The following HIRA variants were observed in gnomAD, a reference collection of about 807,000 sequenced individuals.
HIRA encodes histone cell cycle regulator.
In HIRA, 13 loss-of-function variants were observed where a neutral mutation model predicts 126.6. That is an observed-to-expected ratio of 0.10 (90% CI 0.07 to 0.16). The LOEUF (loss-of-function observed/expected upper bound fraction) is 0.16, where lower values mean the gene tolerates loss of function less well. Among genes scored for constraint, HIRA ranks in the 10% least tolerant of loss-of-function variants. The pLI is 1.00. For missense variants in HIRA, 834 were observed against 1,314.4 expected (o/e 0.63, Z 5.65); for synonymous variants, 511 against 520.0 (o/e 0.98, Z 0.24).
At chr22:19,379,433 T>C (rs1454588421) in intron 13 of HIRA, among the ~76,000 whole-genome samples, 1 of 150,820 alleles carries the variant, frequency 6.6e-6, no homozygotes, top group Non-Finnish European at 1.5e-5. Context: ...GAGACCAGCC[T>C]GGCCAACATG....
chr22:19,352,403 T>G (rs910747989), intron 23 of HIRA, among the ~76,000 whole-genome samples: 9 of 152,080 alleles, frequency 5.9e-5, no homozygotes, highest in African/African-American at 2.2e-4. Context: ...CTGGGAAGGC[T>G]GAGTATTCAG....
intron 18 of HIRA, 47 bp downstream of exon 18, chr22:19,359,289 T>C: frequency 6.7e-7 from 1 of 1,489,090 alleles, no homozygotes; most frequent in Non-Finnish European, 8.9e-7. Flanking sequence ...AATGATGGCA[T>C]GTGTGCCTGT....
intron 23 of HIRA, among the ~76,000 whole-genome samples, chr22:19,352,295 T>A (rs1407092550): frequency 6.6e-6 from 1 of 151,504 alleles, no homozygotes; most frequent in Non-Finnish European, 1.5e-5. Flanking sequence ...TCAGAGCAAG[T>A]CCCAGTCAAC....
Position 19,354,003 on chromosome 22 carries a change from T to C in HIRA, c.2677A>G (p.Thr893Ala), listed in dbSNP as rs2088785469. ...GGCATTCAGGTCACGTACTTGGAGG[T>C]GCGGCCCTGGATTATGGCTAACGGT... ...SGPLAIIQGR[T>A]SNSGRQAARL... is the part of the protein sequence containing the mutation. The change falls in exon 22 of 25, where the codon ACC becomes GCC. Residue 893 changes from threonine (T) to alanine (A), a missense_variant. Coordinates refer to ENST00000263208, the MANE Select transcript of HIRA (RefSeq NM_003325.4). 6.2e-7 allele frequency: 1 copy of C among 1,612,928 alleles called. No homozygotes were observed. The highest frequency in any genetic ancestry group is 8.5e-7 in the Non-Finnish European group (1 of 1,179,668).
rs2088761572 is a variant in HIRA at position 19,351,842 on chromosome 22, G to C, written c.2849-396C>G. 6.6e-6 allele frequency among the ~76,000 whole-genome samples: 1 copy of C among 152,110 alleles called. No individual in the cohort carries two copies. Among genetic ancestry groups the C allele is most frequent in the Non-Finnish European group, 1.5e-5 (1 of 68,024 alleles). ...GTGTTGAGGGGAGGTCAGGAGGGTG[G>C]GACGGCCAGCCCGCAGGAGGTAAGA... On this transcript the variant is annotated intron_variant, in intron 23 of 24. Coordinates refer to ENST00000263208, the MANE Select transcript of HIRA (RefSeq NM_003325.4). This position sits in a 1 kb window ranked among gnomAD's most constrained non-coding sequence, Gnocchi z 4.8.
Position 19,365,604 on chromosome 22 carries a change from C to A in HIRA, c.1776-3673G>T, listed in dbSNP as rs2088905186. Among the ~76,000 whole-genome samples the A allele has an allele frequency of 2.0e-5, 3 of 152,182 alleles. 1 individual carries two copies. The highest frequency in any genetic ancestry group is 2.0e-4 in the Admixed American group (3 of 15,268). On this transcript the variant is annotated intron_variant, in intron 15 of 24. Transcript: ENST00000263208. ...ACCTACTGCTTGGAAAAAAAGATTC[C>A]TTTCAAAAGATTGCTGCTGACTGGC... is the stretch of plus-strand genomic sequence containing the variant.
At chr22:19,361,497 TCA>T (rs2088863599) in intron 16 of HIRA, among the ~76,000 whole-genome samples, 156 bp from the exon 17 acceptor site, 1 of 152,176 alleles carries the variant, frequency 6.6e-6, no homozygotes, top group Admixed American at 6.5e-5. Context: ...GATCCTAACC[TCA>T]TGGACAAGCC....
intron 1 of HIRA, among the ~76,000 whole-genome samples, chr22:19,417,348 G>C (rs1298639954): frequency 1.3e-5 from 2 of 152,246 alleles, no homozygotes; most frequent in East Asian, 3.9e-4. Context: ...TAACGGCTGG[G>C]TGCGGTGGCT....
At chr22:19,429,130 TA>T (rs1359331533) in intron 1 of HIRA, among the ~76,000 whole-genome samples, 6 of 134,722 alleles carry the variant, frequency 4.5e-5, no homozygotes, top group East Asian at 2.3e-4. Context: ...AGAGTTGCCA[TA>T]TCTTTTTTTT....
chr22:19,386,657 A>G (rs375675464), intron 11 of HIRA, among the ~76,000 whole-genome samples: 75 of 152,326 alleles, frequency 4.9e-4, no homozygotes, highest in African/African-American at 1.6e-3. Context: ...GTGTTTGGCC[A>G]GGGTTTCCCT....
chr22:19,402,530 T>C (rs1193194040), intron 5 of HIRA, among the ~76,000 whole-genome samples: 1 of 152,242 alleles, frequency 6.6e-6, no homozygotes, highest in East Asian at 1.9e-4. Context: ...GAGGCCAATA[T>C]AAAGACTCAT....
chr22:19,332,080 T>C (rs2146499828), intron 24 of HIRA, among the ~76,000 whole-genome samples: 1 of 152,328 alleles, frequency 6.6e-6, no homozygotes, highest in East Asian at 1.9e-4. Context: ...CTTAGTTGCC[T>C]AAACATCCTC....
At chr22:19,371,419 T>G (rs1226298208) in intron 15 of HIRA, among the ~76,000 whole-genome samples, 5 of 152,236 alleles carry the variant, frequency 3.3e-5, no homozygotes, top group Non-Finnish European at 5.9e-5. Context: ...GTATTTTTTT[T>G]GGTTCATTTC....
In HIRA at chr22:19,356,951, T is replaced by C. The variant is rs2088818093; in HGVS notation, c.2335A>G (p.Thr779Ala). 3 of 1,613,882 alleles carry C rather than the reference T, an allele frequency of 1.9e-6. No homozygotes were observed. Among genetic ancestry groups the C allele is most frequent in the Non-Finnish European group, 2.5e-6 (3 of 1,179,988 alleles). ...SPILLPSPISTLHCTGSYVMA... is the reference protein window; with the variant it reads ...SPILLPSPISALHCTGSYVMA... Reference sequence around the variant, plus strand: ...ACGTAGGAGCCTGTGCAATGCAAAGTAGAGATCGGGGATGGCAGGAGGATG... The same window carrying C: ...ACGTAGGAGCCTGTGCAATGCAAAGCAGAGATCGGGGATGGCAGGAGGATG... Residue 779 changes from threonine (T) to alanine (A), a missense_variant, in exon 19 of 25, where the codon ACT (threonine) becomes GCT (alanine). Transcript: ENST00000263208.
intron 23 of HIRA, 26 bp downstream of exon 23, chr22:19,353,330 C>G: frequency 1.2e-6 from 2 of 1,612,010 alleles, no homozygotes; most frequent in Non-Finnish European, 1.7e-6. Flanking sequence ...AAGGAGAAGG[C>G]TGCTCAGGGC....
At chr22:19,347,917 T>G (rs2146181890) in intron 24 of HIRA, among the ~76,000 whole-genome samples, 1 of 152,272 alleles carries the variant, frequency 6.6e-6, no homozygotes. Flanking sequence ...CCAGCCCGGG[T>G]GACAGAGCGA....
At chr22:19,407,541 CTTCT>C (rs748133541) in intron 3 of HIRA, among the ~76,000 whole-genome samples, 7 of 152,110 alleles carry the variant, frequency 4.6e-5, no homozygotes, top group African/African-American at 7.2e-5. Flanking sequence ...CAATAGAAGG[CTTCT>C]TTCTAAGAAA....
intron 15 of HIRA, among the ~76,000 whole-genome samples, chr22:19,368,978 C>T (rs1387467171): frequency 2.6e-5 from 4 of 152,198 alleles, no homozygotes; most frequent in African/African-American, 9.7e-5. Context: ...ACTGCACCTC[C>T]CCAGCCTGCA....
intron 1 of HIRA, among the ~76,000 whole-genome samples, chr22:19,412,294 G>A (rs957177274): frequency 6.6e-6 from 1 of 152,148 alleles, no homozygotes; most frequent in Non-Finnish European, 1.5e-5. Context: ...CACAGGCCTG[G>A]TGAGGTGTTC....
Sources: allele counts gnomAD v4.1 joint callset (sites outside exome capture counted in the v4.1 genomes callset), GRCh38; gene constraint gnomAD v4.1.1; non-coding constraint Gnocchi (gnomAD v3.1); transcripts MANE v1.5; gene names NCBI Gene and HGNC (gene_info 2026-07-23, HGNC 2026-07-21).